The following LPP variants were observed in gnomAD, a reference collection of about 807,000 sequenced individuals.
The protein encoded by LPP is LIM domain containing preferred translocation partner in lipoma, also known as lipoma-preferred partner.
A neutral mutation model predicts 60.4 loss-of-function variants in LPP; 38 were observed. That is an observed-to-expected ratio of 0.63 (90% confidence interval 0.49 to 0.83). The LOEUF (loss-of-function observed/expected upper bound fraction) is 0.83, where lower values mean the gene tolerates loss of function less well. Ranked by LOEUF, LPP falls within the 40% of genes least tolerant of loss-of-function variation. LPP has a pLI of 0.00. For missense variants in LPP, 902 were observed against 783.6 expected (o/e 1.15, Z -1.80); for synonymous variants, 328 against 290.8 (o/e 1.13, Z -1.30).
intron 2 of LPP, among the ~76,000 whole-genome samples, chr3:188,241,653 A>G (rs1194732088): frequency 2.0e-5 from 3 of 152,126 alleles, no homozygotes; most frequent in Non-Finnish European, 2.9e-5. Flanking sequence ...AAAATAAAAG[A>G]TTTCCTTCTC....
Position 188,708,174 on chromosome 3 carries a change from T to C in LPP, c.1114-93T>C, listed in dbSNP as rs963385129. On this transcript the variant is annotated intron_variant, in intron 7 of 11. Coordinates refer to ENST00000617246, the MANE Select transcript of LPP (RefSeq NM_001375462.1). ...CCTGACAGCCACGTCCAGTGCTTTT[T>C]CCTCTCCAGTGCAATCGCTGCTTGT... 3 of 1,442,058 alleles carry C rather than the reference T, an allele frequency of 2.1e-6. No individual in the cohort carries two copies. The African/African-American group carries it at 4.3e-5, about 20-fold the overall frequency. 89.3% of individuals were successfully genotyped at this position (1,442,058 alleles called of 1,614,324 possible).
At chr3:188,317,599 T>C (rs536724145) in intron 2 of LPP, among the ~76,000 whole-genome samples, 2 of 152,328 alleles carry the variant, frequency 1.3e-5, no homozygotes, top group South Asian at 2.1e-4. Context: ...AGGATTCATA[T>C]TGAAATCACT....
At chr3:188,465,734 G>A (rs1236433043) in intron 4 of LPP, among the ~76,000 whole-genome samples, 5 of 152,256 alleles carry the variant, frequency 3.3e-5, no homozygotes, top group Admixed American at 1.3e-4. Context: ...ATAGGAGGCC[G>A]TGTAGCTCCT....
intron 7 of LPP, among the ~76,000 whole-genome samples, chr3:188,635,023 C>A (rs1848473067): frequency 6.6e-6 from 1 of 152,060 alleles, no homozygotes; most frequent in African/African-American, 2.4e-5. Context: ...AGATCTGGTT[C>A]TTGTCAACCA....
intron 9 of LPP, among the ~76,000 whole-genome samples, chr3:188,839,125 T>C (rs1346254151): frequency 6.6e-6 from 1 of 152,206 alleles, no homozygotes; most frequent in African/African-American, 2.4e-5. Context: ...AAATAGTATT[T>C]CTTCTTTTAC....
chr3:188,278,793 G>GGTC (rs2149885120), intron 2 of LPP, among the ~76,000 whole-genome samples: 1 of 152,214 alleles, frequency 6.6e-6, no homozygotes, highest in Admixed American at 6.5e-5. Context: ...CGTGTCCTTT[G>GGTC]CATCTTCTGG....
intron 7 of LPP, among the ~76,000 whole-genome samples, chr3:188,623,095 T>G (rs1396767761): frequency 1.7e-4 from 1 of 5,812 alleles, no homozygotes; most frequent in Non-Finnish European, 2.8e-3. Context: ...ATTGCCCCCA[T>G]GATTGTATGG....
chr3:188,427,198 T>C (rs1460338261), intron 4 of LPP, among the ~76,000 whole-genome samples: 1 of 152,240 alleles, frequency 6.6e-6, no homozygotes, highest in Non-Finnish European at 1.5e-5. Context: ...ATTTTATTTC[T>C]TCTTCACTTA....
At position 188,609,019 on chromosome 3, in the gene LPP, C is replaced by G; in HGVS notation, c.430-142C>G. On this transcript the variant is annotated intron_variant, in intron 6 of 11. Coordinates refer to ENST00000617246, the MANE Select transcript of LPP (RefSeq NM_001375462.1). This position sits in a 1 kb window ranked among gnomAD's most constrained non-coding sequence, Gnocchi z 6.9. The stretch of plus-strand genomic sequence containing the variant: ...TGTTCATCTGTGAACACTTTGAAGG[C>G]AAGATTATGCCTTATTTGTGTTCTA... 1 of 683,182 alleles carries G rather than the reference C, an allele frequency of 1.5e-6. No individual in the cohort carries two copies. Among genetic ancestry groups the G allele is most frequent in the East Asian group, 2.8e-5 (1 of 36,198 alleles). The allele number at this position is 683,182 out of a possible 1,614,324, so 42.3% of individuals were successfully genotyped here.
chr3:188,430,625 G>A (rs1790652754), intron 4 of LPP, among the ~76,000 whole-genome samples: 1 of 152,204 alleles, frequency 6.6e-6, no homozygotes, highest in African/African-American at 2.4e-5. Context: ...ATAATGTGCA[G>A]TTAGAGTAAT....
At chr3:188,573,316 G>A (rs972040854) in intron 6 of LPP, among the ~76,000 whole-genome samples, 1 of 152,252 alleles carries the variant, frequency 6.6e-6, no homozygotes, top group East Asian at 1.9e-4. Flanking sequence ...GTAAAAGGAA[G>A]ATACAAATAT....
chr3:188,602,726 A>AT (rs1158484485), intron 6 of LPP, among the ~76,000 whole-genome samples: 4 of 81,684 alleles, frequency 4.9e-5, no homozygotes, highest in Non-Finnish European at 9.7e-5. Flanking sequence ...AAGATTATTT[A>AT]TTAAAAAAAA....
intron 2 of LPP, among the ~76,000 whole-genome samples, chr3:188,250,391 T>C (rs112139218): frequency 0.017 from 2,588 of 152,294 alleles, 68 homozygotes; most frequent in African/African-American, 0.056. Context: ...TCTGGAGTCT[T>C]ATGTGTCCAT....
rs11448997 is a variant in LPP at position 188,878,759 on chromosome 3, T to TAAAAAAAAAAAAAAA, written c.*4282_*4296dup. 4 of 153,916 alleles carry TAAAAAAAAAAAAAAA rather than the reference T, an allele frequency of 2.6e-5. No homozygotes were observed. Among genetic ancestry groups the TAAAAAAAAAAAAAAA allele is most frequent in the African/African-American group, 5.7e-5 (2 of 34,826 alleles). The allele number at this position is 153,916 out of a possible 1,614,324, so 9.5% of individuals were successfully genotyped here. On this transcript the variant is annotated 3_prime_UTR_variant, in exon 12 of 12. Transcript: ENST00000617246. ...ATATACTCACCAAAAAGTAAAAAAG[T>TAAAAAAAAAAAAAAA]AAAAAAAAAAAAAAAAGAAAGAAAG...
At chr3:188,561,732 T>G (rs913065860) in intron 6 of LPP, among the ~76,000 whole-genome samples, 1 of 152,068 alleles carries the variant, frequency 6.6e-6, no homozygotes, top group Non-Finnish European at 1.5e-5. Flanking sequence ...TTCATTTTTT[T>G]TAATTTTGCA....
chr3:188,312,271 C>T (rs1753704458), intron 2 of LPP, among the ~76,000 whole-genome samples: 1 of 152,058 alleles, frequency 6.6e-6, no homozygotes, highest in Admixed American at 6.5e-5. Flanking sequence ...CTCTAAACAC[C>T]ATTTGAAATG....
rs1321689751 is a variant in LPP at position 188,182,307 on chromosome 3, T to C, written c.-190+28055T>C. On this transcript the variant is annotated intron_variant, in intron 1 of 11. Coordinates refer to ENST00000617246, the MANE Select transcript of LPP (RefSeq NM_001375462.1). This position sits in a 1 kb window ranked among gnomAD's most constrained non-coding sequence, Gnocchi z 4.4. ...ACTCTCGGTCTCACCCCAGAATCTATGTCTTTAGGTGTTGCTGAAAGTTTG... is the reference window on the plus strand; with the variant it reads ...ACTCTCGGTCTCACCCCAGAATCTACGTCTTTAGGTGTTGCTGAAAGTTTG... 6.6e-6 allele frequency among the ~76,000 whole-genome samples: 1 copy of C among 151,494 alleles called. No homozygotes were observed. Among genetic ancestry groups the C allele is most frequent in the Non-Finnish European group, 1.5e-5 (1 of 67,796 alleles).
intron 9 of LPP, among the ~76,000 whole-genome samples, chr3:188,763,916 G>C (rs1208209889): frequency 6.6e-6 from 1 of 151,834 alleles, no homozygotes; most frequent in African/African-American, 2.4e-5. Context: ...GATTTCTTTA[G>C]AAATATTTTT....
At position 188,524,776 on chromosome 3, in the gene LPP, C is replaced by T. The variant is rs201958080; in HGVS notation, c.418C>T (p.Arg140Trp). The change falls in exon 6 of 12, where the codon CGG (arginine) becomes TGG (tryptophan). Residue 140 changes from arginine to tryptophan, a missense_variant. Transcript: ENST00000617246. ...TGAGTGCAGCTCCCCCTATAAGCCT[C>T]GGCCTCCACAGGTTAGTGCAGCCCA... The part of the protein sequence containing the change: ...DLECSSPYKP[R>W]PPQSSTGSTA... 31 of 1,613,832 alleles carry T rather than the reference C, an allele frequency of 1.9e-5. No individual in the cohort carries two copies. The highest frequency in any genetic ancestry group is 1.3e-4 in the Admixed American group (8 of 59,978).
Sources: gnomAD v4.1 joint callset for allele counts (sites outside exome capture counted in the v4.1 genomes callset) on GRCh38, gnomAD v4.1.1 for gene constraint, Gnocchi (gnomAD v3.1) non-coding constraint, MANE v1.5 for transcripts, NCBI Gene and HGNC (gene_info 2026-07-23, HGNC 2026-07-21) for gene names.